The following WDR72 variants were observed in gnomAD, a reference collection of about 807,000 sequenced individuals.
WDR72 encodes the protein WD repeat domain 72, also known as WD repeat-containing protein 72.
In WDR72, 120 loss-of-function variants were observed where a neutral mutation model predicts 124.2. The observed-to-expected ratio is 0.97, with a 90% confidence interval of 0.83 to 1.12. The LOEUF is 1.12. Among genes scored for constraint, WDR72 ranks in the 50% most tolerant of loss-of-function variants. WDR72 has a pLI of 0.00. For synonymous variants in WDR72, 452 were observed against 441.7 expected (o/e 1.02, Z -0.29); for missense variants, 1,387 against 1,278.8 (o/e 1.08, Z -1.29).
intron 18 of WDR72, among the ~76,000 whole-genome samples, chr15:53,558,780 G>T (rs1894019265): frequency 1.3e-5 from 2 of 151,924 alleles, no homozygotes; most frequent in South Asian, 2.1e-4. Context: ...AATGACTGAG[G>T]CTGGCCTATT....
At chr15:53,702,015 C>G in intron 12 of WDR72, 119 bp downstream of exon 12, 1 of 661,474 alleles carries the variant, frequency 1.5e-6, no homozygotes, top group South Asian at 2.2e-5. Flanking sequence ...ATTATAAGTA[C>G]ATAGAACTCA....
chr15:53,677,880 GC>G lies in WDR72; in HGVS notation c.1766-12113del, dbSNP rs374814914. On this transcript the variant is annotated intron_variant, in intron 13 of 19. Coordinates refer to ENST00000360509, the MANE Select transcript of WDR72 (RefSeq NM_182758.4). ...TACCACTAATTGAGTATTTTTAAGT[GC>G]CATTTAATTCTTAAAACAATCCCGT... Among the ~76,000 whole-genome samples the G allele has an allele frequency of 3.3e-5, 5 of 152,212 alleles. No individual in the cohort carries two copies. In the East Asian group the frequency reaches 9.6e-4, roughly 29 times the overall value.
Position 53,705,239 on chromosome 15 carries a change from A to C in WDR72, c.1103-6T>G, listed in dbSNP as rs1036366527. The C allele has an allele frequency of 5.6e-6, 9 of 1,611,960 alleles. No individual in the cohort carries two copies. In the Admixed American group the frequency reaches 8.3e-5, roughly 15 times the overall value. On this transcript the variant is annotated splice_polypyrimidine_tract_variant and splice_region_variant and intron_variant, in intron 10 of 19. Transcript: ENST00000360509. ...GGTGGCAGTTACTGGTATCTCTAAA[A>C]AGAAAACAGACATAAAAAGAAAATT... is the stretch of plus-strand genomic sequence containing the variant.
chr15:53,568,211 C>A (rs1168856443), intron 18 of WDR72, among the ~76,000 whole-genome samples: 4 of 151,042 alleles, frequency 2.6e-5, no homozygotes. Flanking sequence ...ATATGGGGAT[C>A]GTATGTGGGG....
chr15:53,605,147 A>G (rs995745105), intron 17 of WDR72, among the ~76,000 whole-genome samples: 13 of 152,264 alleles, frequency 8.5e-5, no homozygotes, highest in Non-Finnish European at 1.9e-4. Flanking sequence ...TCCATGGAAT[A>G]CTATGCAGCC....
intron 19 of WDR72, 54 bp downstream of exon 19, chr15:53,523,164 A>G (rs1891891610): frequency 6.4e-7 from 1 of 1,561,486 alleles, no homozygotes; most frequent in African/African-American, 1.4e-5. Flanking sequence ...CAAGGACCCC[A>G]AAGCTGTGTC....
chr15:53,722,310 C>G (rs2017899666), intron 3 of WDR72, among the ~76,000 whole-genome samples: 1 of 152,152 alleles, frequency 6.6e-6, no homozygotes, highest in Non-Finnish European at 1.5e-5. Context: ...GCTGGGATTA[C>G]AGGCATGAGC....
intron 18 of WDR72, among the ~76,000 whole-genome samples, chr15:53,547,870 G>A (rs1471288174): frequency 1.3e-5 from 2 of 152,130 alleles, no homozygotes; most frequent in Admixed American, 1.3e-4. Flanking sequence ...TTAATTCATT[G>A]TTTCTGCAGG....
chr15:53,689,779 C>T (rs1017706805), intron 13 of WDR72, among the ~76,000 whole-genome samples: 3 of 151,890 alleles, frequency 2.0e-5, no homozygotes, highest in African/African-American at 2.4e-5. Flanking sequence ...ATGTTTATTG[C>T]GGCATTATTC....
intron 13 of WDR72, among the ~76,000 whole-genome samples, chr15:53,669,151 A>G (rs80122624): frequency 0.013 from 1,983 of 152,224 alleles, 31 homozygotes; most frequent in East Asian, 0.069. Flanking sequence ...TCTGTAGTAC[A>G]TGACGGCGGG....
chr15:53,672,960 T>G (rs965922909), intron 13 of WDR72, among the ~76,000 whole-genome samples: 2 of 151,998 alleles, frequency 1.3e-5, no homozygotes, highest in African/African-American at 2.4e-5. Context: ...CGAAACCCCA[T>G]TTCTACAAAA....
At position 53,516,897 on chromosome 15, in the gene WDR72, T is replaced by C. The variant is rs1285475796; in HGVS notation, c.*802A>G. 2 of 152,040 alleles carry C rather than the reference T, an allele frequency of 1.3e-5. No homozygotes were observed. The highest frequency in any genetic ancestry group is 2.9e-5 in the Non-Finnish European group (2 of 67,950). The allele number at this position is 152,040 out of a possible 1,614,324, so 9.4% of individuals were successfully genotyped here. The stretch of plus-strand genomic sequence containing the variant: ...GTTTGATATATTTCAGTTTTAGAAT[T>C]CCTGCTAGTCAAGCTTCTTTCTGGG... On this transcript the variant is annotated 3_prime_UTR_variant, in exon 20 of 20. Coordinates refer to ENST00000360509, the MANE Select transcript of WDR72 (RefSeq NM_182758.4).
At chr15:53,722,645 C>A (rs1462006811) in intron 3 of WDR72, among the ~76,000 whole-genome samples, 157 bp downstream of exon 3, 1 of 152,184 alleles carries the variant, frequency 6.6e-6, no homozygotes, top group African/African-American at 2.4e-5. Flanking sequence ...GGGATCATCA[C>A]ACAAGTTATT....
chr15:53,721,424 C>T (rs1217826335), intron 3 of WDR72, among the ~76,000 whole-genome samples: 1 of 152,092 alleles, frequency 6.6e-6, no homozygotes, highest in Non-Finnish European at 1.5e-5. Flanking sequence ...CCCCAAAATT[C>T]TCTAGATTGG....
intron 17 of WDR72, 140 bp downstream of exon 17, chr15:53,609,373 C>T (rs2013434386): frequency 1.4e-6 from 1 of 735,212 alleles, no homozygotes. Flanking sequence ...TCCGTGTTTT[C>T]CCTCATCTCT....
chr15:53,681,403 A>G (rs2016379808), intron 13 of WDR72, among the ~76,000 whole-genome samples: 1 of 152,198 alleles, frequency 6.6e-6, no homozygotes, highest in Admixed American at 6.5e-5. Context: ...GAGGAGCCAA[A>G]GAGCAGCCAT....
chr15:53,538,422 C>T (rs60084149), intron 18 of WDR72, among the ~76,000 whole-genome samples: 8,018 of 152,216 alleles, frequency 0.053, 618 homozygotes, highest in African/African-American at 0.17. Flanking sequence ...TCTAATGAAG[C>T]TCAGCTCCGT....
chr15:53,689,242 G>C (rs961467096), intron 13 of WDR72, among the ~76,000 whole-genome samples: 1 of 151,480 alleles, frequency 6.6e-6, no homozygotes, highest in Non-Finnish European at 1.5e-5. Context: ...AAGAGCTTCT[G>C]CACAGCAAAA....
intron 17 of WDR72, among the ~76,000 whole-genome samples, chr15:53,602,833 CA>C (rs1297268979): frequency 1.7e-4 from 26 of 152,046 alleles, no homozygotes; most frequent in Middle Eastern, 6.8e-3. Context: ...GAAACTGAGG[CA>C]GTTAAATAAA....
Sources: gnomAD v4.1 joint callset for allele counts (sites outside exome capture counted in the v4.1 genomes callset) on GRCh38, gnomAD v4.1.1 for gene constraint, MANE v1.5 for transcripts, NCBI Gene and HGNC (gene_info 2026-07-23, HGNC 2026-07-21) for gene names.